Variants in ADAM12 observed in about 807,000 individuals in gnomAD.
ADAM12 encodes the protein disintegrin and metalloproteinase domain-containing protein 12.
ADAM12 carries 70 observed loss-of-function variants against 106.4 expected under a neutral mutation model. The observed-to-expected ratio is 0.66, with a 90% CI of 0.54 to 0.80. The LOEUF is 0.80. ADAM12 is among the 30% of genes least tolerant of loss of function. ADAM12 has a pLI of 0.00. For synonymous variants in ADAM12, 420 were observed against 433.5 expected, an observed-to-expected ratio of 0.97 and a Z score of 0.39; for missense variants, 1,010 against 1,171.9, an observed-to-expected ratio of 0.86 and a Z score of 2.02.
chr10:126,026,984 GT>G (rs1183109863), intron 21 of ADAM12, among the ~76,000 whole-genome samples: 4 of 151,534 alleles, frequency 2.6e-5, no homozygotes, highest in Admixed American at 2.6e-4. Flanking sequence ...CCAGGAGCTA[GT>G]TTTTTTGAAA....
At chr10:126,070,388 T>C (rs561557353) in intron 12 of ADAM12, 1 of 152,368 alleles carries the variant, frequency 6.6e-6, no homozygotes, top group Admixed American at 6.5e-5. Flanking sequence ...AATACTTACA[T>C]ACTTCCAGCG....
intron 3 of ADAM12, among the ~76,000 whole-genome samples, chr10:126,196,751 G>A (rs1283600568): frequency 2.0e-5 from 3 of 152,080 alleles, no homozygotes; most frequent in African/African-American, 7.3e-5. Context: ...ATTAGTTATA[G>A]TTAGTTGCTG....
Position 126,033,205 on chromosome 10 carries a change from G to A in ADAM12, c.2529+2941C>T, listed in dbSNP as rs145530650. ...AATGTCACACTAGTAGCTTGAAACT[G>A]GCCACAATGGGAAGTTTTATACCAG... On this transcript the variant is annotated intron_variant, in intron 21 of 22. Coordinates refer to ENST00000448723, the MANE Select transcript of ADAM12 (RefSeq NM_001288973.2). Among the ~76,000 whole-genome samples the A allele has an allele frequency of 2.5e-4, 38 of 152,184 alleles. 1 individual carries two copies. In the East Asian group the frequency reaches 6.6e-3, roughly 26 times the overall value.
At chr10:126,071,766 G>GAGACCACCA in intron 11 of ADAM12, 112 bp from the exon 12 acceptor site, 2 of 1,190,814 alleles carry the variant, frequency 1.7e-6, no homozygotes, top group Non-Finnish European at 1.2e-6. Flanking sequence ...GGTGTTCACT[G>GAGACCACCA]GTGGTCTCAA....
In ADAM12 at chr10:126,016,715, C is replaced by G. The variant is rs543010850; in HGVS notation, c.*564G>C. ...CAGAAGCCAGATTTCTCCCAGGTGT[C>G]CCTGGGAGCCTGCCTGCCAGTTGTC... On this transcript the variant is annotated 3_prime_UTR_variant, in exon 23 of 23. Transcript: ENST00000448723. 6.6e-6 allele frequency: 1 copy of G among 152,466 alleles called. No homozygotes were observed. The highest frequency in any genetic ancestry group is 2.1e-4 in the South Asian group (1 of 4,830). 9.4% of individuals were successfully genotyped at this position (152,466 alleles called of 1,614,324 possible).
At chr10:126,112,662 T>C (rs1470140555) in intron 6 of ADAM12, among the ~76,000 whole-genome samples, 2 of 152,306 alleles carry the variant, frequency 1.3e-5, no homozygotes, top group South Asian at 2.1e-4. Flanking sequence ...CAAGTTGACA[T>C]TGGGGCTATA....
At chr10:126,035,051 A>AACATCTCCTCTTG in intron 21 of ADAM12, among the ~76,000 whole-genome samples, 1 of 152,288 alleles carries the variant, frequency 6.6e-6, no homozygotes, top group South Asian at 2.1e-4. Flanking sequence ...GGAAAAGTCC[A>AACATCTCCTCTTG]ACATCTCCTC....
intron 1 of ADAM12, among the ~76,000 whole-genome samples, chr10:126,349,284 G>A (rs1249262175): frequency 6.6e-6 from 1 of 152,090 alleles, no homozygotes; most frequent in African/African-American, 2.4e-5. Flanking sequence ...TTCATTCAGG[G>A]GCCCACATGA....
At chr10:126,369,621 A>G (rs1856041179) in intron 1 of ADAM12, among the ~76,000 whole-genome samples, 1 of 152,108 alleles carries the variant, frequency 6.6e-6, no homozygotes, top group African/African-American at 2.4e-5. Flanking sequence ...AGCAACAAAA[A>G]TGCAGAAACA....
intron 1 of ADAM12, among the ~76,000 whole-genome samples, chr10:126,350,217 C>T (rs1251456095): frequency 5.3e-5 from 8 of 152,122 alleles, no homozygotes; most frequent in Admixed American, 2.0e-4. Context: ...TTCCAGTGTG[C>T]CCTAAAGATT....
intron 3 of ADAM12, among the ~76,000 whole-genome samples, chr10:126,206,202 T>C (rs1399961487): frequency 3.9e-5 from 6 of 152,182 alleles, no homozygotes; most frequent in Non-Finnish European, 8.8e-5. Flanking sequence ...AAGAAAACAA[T>C]TGCAAGGCAA....
At chr10:126,074,692 A>G (rs1197925147) in intron 11 of ADAM12, among the ~76,000 whole-genome samples, 1 of 152,216 alleles carries the variant, frequency 6.6e-6, no homozygotes, top group Admixed American at 6.5e-5. Flanking sequence ...TCATGCATAC[A>G]TAAATGGTCG....
At chr10:126,335,923 C>T (rs1349125640) in intron 1 of ADAM12, among the ~76,000 whole-genome samples, 6 of 151,998 alleles carry the variant, frequency 3.9e-5, no homozygotes, top group African/African-American at 4.8e-5. Context: ...CAAAGAGGTA[C>T]GCTCTAAAAT....
intron 3 of ADAM12, among the ~76,000 whole-genome samples, chr10:126,242,907 T>C (rs1349635411): frequency 6.6e-6 from 1 of 152,150 alleles, no homozygotes; most frequent in Non-Finnish European, 1.5e-5. Flanking sequence ...GTATAAGAGA[T>C]TCTTCCATTC....
intron 3 of ADAM12, among the ~76,000 whole-genome samples, chr10:126,156,181 G>A (rs948384867): frequency 6.6e-6 from 1 of 152,154 alleles, no homozygotes; most frequent in Non-Finnish European, 1.5e-5. Flanking sequence ...CCACGAGCTG[G>A]TAGGGTGATG....
chr10:126,031,971 T>G (rs977122851), intron 21 of ADAM12, among the ~76,000 whole-genome samples: 1 of 152,202 alleles, frequency 6.6e-6, no homozygotes, highest in Non-Finnish European at 1.5e-5. Flanking sequence ...AAGGGTCCTT[T>G]TACCATGAAG....
At chr10:126,146,567 C>T (rs1032653393) in intron 4 of ADAM12, among the ~76,000 whole-genome samples, 2 of 152,262 alleles carry the variant, frequency 1.3e-5, no homozygotes, top group Non-Finnish European at 2.9e-5. Context: ...CCCCAGCTGA[C>T]AGAAAATTGC....
At chr10:126,338,548 G>T (rs541244907) in intron 1 of ADAM12, among the ~76,000 whole-genome samples, 1 of 152,118 alleles carries the variant, frequency 6.6e-6, no homozygotes, top group Non-Finnish European at 1.5e-5. Flanking sequence ...CACCGCGCCC[G>T]GCCTGTAACT....
At chr10:126,150,759 C>T (rs762562622) in intron 4 of ADAM12, among the ~76,000 whole-genome samples, 1 of 152,178 alleles carries the variant, frequency 6.6e-6, no homozygotes, top group Non-Finnish European at 1.5e-5. Flanking sequence ...TCATCAGAGA[C>T]CCTTTCTAAA....
Sources: allele counts gnomAD v4.1 joint callset (sites outside exome capture counted in the v4.1 genomes callset), GRCh38; gene constraint gnomAD v4.1.1; transcripts MANE v1.5; gene names NCBI Gene and HGNC (gene_info 2026-07-23, HGNC 2026-07-21).